The following COL21A1 variants were observed in gnomAD, a reference collection of about 807,000 sequenced individuals.
COL21A1 encodes the protein collagen type XXI alpha 1 chain.
A neutral mutation model predicts 137.9 loss-of-function variants in COL21A1; 149 were observed. The ratio of observed to expected loss-of-function variants is 1.08; its 90% CI spans 0.95 to 1.24. The LOEUF (loss-of-function observed/expected upper bound fraction) is 1.24. Among genes scored for constraint, COL21A1 ranks in the 50% most tolerant of loss-of-function variants. The pLI is 0.00. For missense variants in COL21A1, 1,167 were observed against 1,158.4 expected (o/e 1.01, Z -0.11); for synonymous variants, 456 against 391.5 (o/e 1.16, Z -1.95).
intron 1 of COL21A1, among the ~76,000 whole-genome samples, chr6:56,347,423 C>T (rs1765619582): frequency 6.7e-6 from 1 of 150,046 alleles, no homozygotes; most frequent in Non-Finnish European, 1.5e-5. Flanking sequence ...TGCAATGGGT[C>T]TTACCAAAAG....
chr6:56,266,424 T>C (rs1463407794), intron 1 of COL21A1, among the ~76,000 whole-genome samples: 1 of 152,208 alleles, frequency 6.6e-6, no homozygotes, highest in African/African-American at 2.4e-5. Context: ...CTGCATATTG[T>C]CTACAGTTGC....
chr6:56,378,163 G>A (rs973020303), intron 1 of COL21A1, among the ~76,000 whole-genome samples: 1 of 152,126 alleles, frequency 6.6e-6, no homozygotes, highest in African/African-American at 2.4e-5. Flanking sequence ...CGGCTATAAG[G>A]CAAGACTCCT....
chr6:56,074,799 T>G (rs1408694046), intron 19 of COL21A1, among the ~76,000 whole-genome samples: 1 of 151,478 alleles, frequency 6.6e-6, no homozygotes, highest in Non-Finnish European at 1.5e-5. Flanking sequence ...ACTCTTTCAA[T>G]TAGGACTTGA....
chr6:56,101,612 G>A, intron 16 of COL21A1, 87 bp from the exon 17 acceptor site: 2 of 907,276 alleles, frequency 2.2e-6, no homozygotes, highest in Non-Finnish European at 3.4e-6. Flanking sequence ...ACATATTAAA[G>A]AACATTAAAT....
chr6:56,087,316 A>C (rs1000655505), intron 17 of COL21A1, among the ~76,000 whole-genome samples: 6 of 152,082 alleles, frequency 3.9e-5, no homozygotes, highest in Admixed American at 3.9e-4. Flanking sequence ...TAGCATTGAC[A>C]ACCTTTCCAT....
intron 1 of COL21A1, among the ~76,000 whole-genome samples, chr6:56,263,854 T>C (rs1763337460): frequency 6.6e-6 from 1 of 152,158 alleles, no homozygotes; most frequent in Non-Finnish European, 1.5e-5. Context: ...TTAAACATTT[T>C]CCTGATATTT....
intron 12 of COL21A1, among the ~76,000 whole-genome samples, chr6:56,131,792 T>C (rs1191152716): frequency 6.6e-6 from 1 of 152,108 alleles, no homozygotes; most frequent in Non-Finnish European, 1.5e-5. Flanking sequence ...ACATATACTA[T>C]ATGCTGTTGA....
At chr6:56,194,582 A>T (rs966332733) in intron 1 of COL21A1, among the ~76,000 whole-genome samples, 5 of 152,222 alleles carry the variant, frequency 3.3e-5, no homozygotes, top group Middle Eastern at 3.2e-3. Context: ...TAAGAAAAAA[A>T]GTCCCTATTC....
intron 10 of COL21A1, among the ~76,000 whole-genome samples, chr6:56,146,062 A>G (rs1774811521): frequency 1.3e-5 from 2 of 152,178 alleles, no homozygotes; most frequent in Non-Finnish European, 2.9e-5. Context: ...TAATCATGTC[A>G]TAAAATATTC....
intron 1 of COL21A1, among the ~76,000 whole-genome samples, chr6:56,229,075 T>C (rs1433210505): frequency 6.6e-6 from 1 of 151,968 alleles, no homozygotes; most frequent in Non-Finnish European, 1.5e-5. Context: ...TTCCAACTTT[T>C]CTATAAAGGA....
chr6:56,133,398 G>A (rs970617382), intron 12 of COL21A1, among the ~76,000 whole-genome samples: 1 of 152,150 alleles, frequency 6.6e-6, no homozygotes, highest in Non-Finnish European at 1.5e-5. Context: ...TTTCTAAGGA[G>A]CAAGGCATTC....
At chr6:56,171,163 T>C (rs1777015500) in intron 3 of COL21A1, 35 bp from the exon 4 acceptor site, 1 of 1,497,452 alleles carries the variant, frequency 6.7e-7, no homozygotes, top group Admixed American at 2.2e-5. Flanking sequence ...TGGTTAATCA[T>C]GGACTATTCA....
chr6:56,301,318 T>C (rs1408487487), intron 1 of COL21A1, among the ~76,000 whole-genome samples: 4 of 152,102 alleles, frequency 2.6e-5, no homozygotes, highest in South Asian at 2.1e-4. Flanking sequence ...GCTGCTGGCA[T>C]TGAAGATGGA....
Position 56,060,092 on chromosome 6 carries a change from G to C in COL21A1, c.2534C>G (p.Pro845Arg), listed in dbSNP as rs1765665707. The stretch of plus-strand genomic sequence containing the variant: ...AACACCATCTCTTCCTGGCAAACCA[G>C]GTAATCCTCTGGGACCCTCTGGGCC... ...PIGPEGPRGL[P>R]GLPGRDGVPG... The change falls in exon 28 of 30, where the codon CCT becomes CGT. Residue 845 changes from proline (P) to arginine (R), a missense_variant. Coordinates refer to ENST00000244728, the MANE Select transcript of COL21A1 (RefSeq NM_030820.4). The C allele has an allele frequency of 6.2e-7, 1 of 1,609,834 alleles. No individual in the cohort carries two copies. Among genetic ancestry groups the C allele is most frequent in the African/African-American group, 1.3e-5 (1 of 74,702 alleles).
chr6:56,350,984 G>A (rs1220937244), intron 1 of COL21A1, among the ~76,000 whole-genome samples: 1 of 152,240 alleles, frequency 6.6e-6, no homozygotes, highest in Non-Finnish European at 1.5e-5. Context: ...AGCTTTAAAT[G>A]GCTATGGTGC....
At chr6:56,251,451 A>G (rs911806448), upstream of COL21A1, among the ~76,000 whole-genome samples, 1 of 152,190 alleles carries the variant, frequency 6.6e-6, no homozygotes, top group Non-Finnish European at 1.5e-5. Flanking sequence ...CAAGGGAGAA[A>G]AACATCAATG....
intron 1 of COL21A1, among the ~76,000 whole-genome samples, chr6:56,233,800 C>CAAAA (rs60424635): frequency 0.55 from 82,256 of 149,266 alleles, 22,783 homozygotes; most frequent in East Asian, 0.77. Context: ...AAGAATAGAG[C>CAAAA]AAAAAAATCC....
At chr6:56,100,617 C>T (rs1419065982) in intron 17 of COL21A1, among the ~76,000 whole-genome samples, 1 of 152,052 alleles carries the variant, frequency 6.6e-6, no homozygotes, top group African/African-American at 2.4e-5. Context: ...TCATTTTTTT[C>T]AGTCTTCCAA....
At chr6:56,263,173 G>A (rs1332812623) in intron 1 of COL21A1, among the ~76,000 whole-genome samples, 4 of 152,164 alleles carry the variant, frequency 2.6e-5, no homozygotes. Flanking sequence ...CGCATAGTAT[G>A]CTTAATAGAT....
Sources: gnomAD v4.1 joint callset for allele counts (sites outside exome capture counted in the v4.1 genomes callset) on GRCh38, gnomAD v4.1.1 for gene constraint, MANE v1.5 for transcripts, NCBI Gene and HGNC (gene_info 2026-07-23, HGNC 2026-07-21) for gene names.